The following RPS6KL1 variants were observed in gnomAD, a reference collection of about 807,000 sequenced individuals.
RPS6KL1 encodes ribosomal protein S6 kinase-like 1.
A neutral mutation model predicts 57.0 loss-of-function variants in RPS6KL1; 41 were observed. The ratio of observed to expected loss-of-function variants is 0.72; its 90% CI spans 0.56 to 0.93. The LOEUF (loss-of-function observed/expected upper bound fraction) is 0.93. RPS6KL1 is among the 40% of genes least tolerant of loss of function. RPS6KL1 has a pLI of 0.00. For missense variants in RPS6KL1, 697 were observed against 727.7 expected (o/e 0.96, Z 0.49); for synonymous variants, 287 against 309.7 (o/e 0.93, Z 0.77).
At chr14:74,918,882 A>G (rs1410093786) in intron 4 of RPS6KL1, among the ~76,000 whole-genome samples, 3 of 152,136 alleles carry the variant, frequency 2.0e-5, no homozygotes, top group Non-Finnish European at 4.4e-5. Context: ...CCCCTCTCAA[A>G]AGCCCCATCT....
chr14:74,905,643 T>C lies in RPS6KL1; in HGVS notation c.*1371A>G, dbSNP rs1379298365. 6.6e-6 allele frequency: 1 copy of C among 152,300 alleles called. No homozygotes were observed. The highest frequency in any genetic ancestry group is 1.5e-5 in the Non-Finnish European group (1 of 68,150). The allele number at this position is 152,300 out of a possible 1,614,324, so 9.4% of individuals were successfully genotyped here. A position where few individuals can be genotyped will look rare whatever the true frequency, so the allele number is the denominator to read the frequency against. ...TTGCATGGAAGAAGCGAGAACACCG[T>C]AGGCCAGAGCAGGCTTTATTGGGGC... On this transcript the variant is annotated 3_prime_UTR_variant, in exon 12 of 12. Coordinates refer to ENST00000557413, the MANE Select transcript of RPS6KL1 (RefSeq NM_031464.5).
At position 74,905,141 on chromosome 14, in the gene RPS6KL1, T is replaced by C. The variant is rs1314755965; in HGVS notation, c.*1873A>G. Reference sequence around the variant, plus strand: ...TCGAAAGGAGGTCGACTGTAAGAGCTGGGACCCACAGTATTCTAAACTCAG... The same window carrying C: ...TCGAAAGGAGGTCGACTGTAAGAGCCGGGACCCACAGTATTCTAAACTCAG... On this transcript the variant is annotated 3_prime_UTR_variant, in exon 12 of 12. Transcript: ENST00000557413. The C allele has an allele frequency of 1.3e-5, 2 of 152,184 alleles. No individual in the cohort carries two copies. The highest frequency in any genetic ancestry group is 4.8e-5 in the African/African-American group (2 of 41,436). 9.4% of individuals were successfully genotyped at this position (152,184 alleles called of 1,614,324 possible).
At chr14:74,912,947 G>C (rs1186935540) in intron 5 of RPS6KL1, among the ~76,000 whole-genome samples, 1 of 152,242 alleles carries the variant, frequency 6.6e-6, no homozygotes, top group Non-Finnish European at 1.5e-5. Flanking sequence ...TACGTCGAGG[G>C]CGGGAAGGCA....
intron 7 of RPS6KL1, chr14:74,910,602 C>T (rs1212784912): frequency 6.3e-6 from 1 of 157,572 alleles, no homozygotes; most frequent in Admixed American, 6.1e-5. Flanking sequence ...GTCCTCATAA[C>T]TTCAGTCACC....
chr14:74,922,560 C>A, intron 1 of RPS6KL1, 75 bp from the exon 2 acceptor site: 1 of 155,604 alleles, frequency 6.4e-6, no homozygotes, highest in Non-Finnish European at 1.4e-5. Flanking sequence ...GCAGGGTGAC[C>A]CAGCCCCAGG....
At position 74,921,300 on chromosome 14, in the gene RPS6KL1, T is replaced by A. The variant is rs1424831895; in HGVS notation, c.242A>T (p.Asp81Val). 1 of 1,598,740 alleles carries A rather than the reference T, an allele frequency of 6.3e-7. No individual in the cohort carries two copies. Among genetic ancestry groups the A allele is most frequent in the Admixed American group, 1.7e-5 (1 of 59,542 alleles). Residue 81 changes from aspartate (D) to valine (V), a missense_variant, in exon 3 of 12, where the codon GAC becomes GTC. Physicochemically the swap from Asp to Val is radical, Grantham distance 152. Coordinates refer to ENST00000557413, the MANE Select transcript of RPS6KL1 (RefSeq NM_031464.5). ...ACCGTGTATGCCACGGAGCAGCACG[T>A]CCACGCCATTCTGATAGTGGTTGAA... ...AAFNHYQNGVDVLLRGIHVDP... is the reference protein window; with the variant it reads ...AAFNHYQNGVVVLLRGIHVDP...
At chr14:74,918,715 G>A in intron 4 of RPS6KL1, 110 bp from the exon 5 acceptor site, 1 of 769,500 alleles carries the variant, frequency 1.3e-6, no homozygotes, top group Non-Finnish European at 2.1e-6. Flanking sequence ...GAGAACAGCT[G>A]GGAGGGCAGG....
intron 10 of RPS6KL1, among the ~76,000 whole-genome samples, chr14:74,908,454 C>T (rs1885291318): frequency 6.6e-6 from 1 of 152,134 alleles, no homozygotes; most frequent in Admixed American, 6.5e-5. Context: ...GAGCCCCTCT[C>T]TCCCATCCTC....
chr14:74,921,864 A>G (rs1202418454), intron 2 of RPS6KL1, 114 bp downstream of exon 2: 1 of 507,454 alleles, frequency 2.0e-6, no homozygotes, highest in South Asian at 3.8e-5. Flanking sequence ...TGCAACCTCC[A>G]CTTCCCAGGT....
chr14:74,920,210 A>T (rs757354559), intron 3 of RPS6KL1, among the ~76,000 whole-genome samples: 2 of 152,222 alleles, frequency 1.3e-5, no homozygotes, highest in Non-Finnish European at 2.9e-5. Context: ...CTCAGCAGAC[A>T]GCACTTCACC....
Position 74,910,870 on chromosome 14 carries a change from C to CTTT in RPS6KL1, c.664+375_664+377dup, listed in dbSNP as rs5809683. Reference sequence around the variant, plus strand: ...AGCTCCGCCCCTCCCCAGGGCTCAGCTTTTTTTTTTTTTTTTTTTGAGGCG... The same window carrying CTTT: ...AGCTCCGCCCCTCCCCAGGGCTCAGCTTTTTTTTTTTTTTTTTTTTTTGAGGCG... On this transcript the variant is annotated intron_variant, in intron 7 of 11. Transcript: ENST00000557413. 105 of 155,874 alleles carry CTTT rather than the reference C, an allele frequency of 6.7e-4. 1 individual carries two copies. Among genetic ancestry groups the CTTT allele is most frequent in the South Asian group, 1.8e-3 (14 of 7,688 alleles). The allele number at this position is 155,874 out of a possible 1,614,324, so 9.7% of individuals were successfully genotyped here. A position where few individuals can be genotyped will look rare whatever the true frequency, so the allele number is the denominator to read the frequency against.
chr14:74,907,167 A>C, intron 11 of RPS6KL1, 43 bp from the exon 12 acceptor site: 1 of 1,528,606 alleles, frequency 6.5e-7, no homozygotes. Flanking sequence ...CCAGCTGTGG[A>C]GGCATGGGGT....
Position 74,919,864 on chromosome 14 carries a change from C to T in RPS6KL1, c.371G>A (p.Ser124Asn). 1 of 1,613,736 alleles carries T rather than the reference C, an allele frequency of 6.2e-7. No individual in the cohort carries two copies. The highest frequency in any genetic ancestry group is 8.5e-7 in the Non-Finnish European group (1 of 1,179,974). The change falls in exon 4 of 12, where the codon AGT (serine) becomes AAT (asparagine). Residue 124 changes from serine to asparagine, a missense_variant. Transcript: ENST00000557413. Reference sequence around the variant, plus strand: ...CCTCACCGCGCTGGGGCTGGCTCCACTGCTCAGCGGCCGCTGCAGGTGGCA... The same window carrying T: ...CCTCACCGCGCTGGGGCTGGCTCCATTGCTCAGCGGCCGCTGCAGGTGGCA... ...FNCHLQRPLS[S>N]GASPSAGFSS... is the part of the protein sequence containing the mutation.
chr14:74,907,619 A>C, intron 10 of RPS6KL1, 89 bp from the exon 11 acceptor site: 1 of 1,225,170 alleles, frequency 8.2e-7, no homozygotes, highest in Non-Finnish European at 1.1e-6. Flanking sequence ...TCCCCATGTC[A>C]CAGCCCATGA....
At chr14:74,911,641 G>A in intron 6 of RPS6KL1, 153 bp downstream of exon 6, 1 of 740,864 alleles carries the variant, frequency 1.3e-6, no homozygotes. Context: ...ATGCATGTGT[G>A]TCCATCTGGA....
intron 3 of RPS6KL1, among the ~76,000 whole-genome samples, 166 bp from the exon 4 acceptor site, chr14:74,920,135 G>A (rs958730278): frequency 7.9e-5 from 12 of 152,152 alleles, no homozygotes; most frequent in African/African-American, 2.9e-4. Flanking sequence ...CCTCTGGGGT[G>A]GGGGGCCAGC....
rs753146834 is a variant in RPS6KL1 at position 74,912,581 on chromosome 14, C to A, written c.484-740G>T. Among the ~76,000 whole-genome samples the A allele has an allele frequency of 1.3e-3, 198 of 152,326 alleles. 3 individuals carry two copies. The highest frequency in any genetic ancestry group is 5.8e-4 in the East Asian group (3 of 5,184). On this transcript the variant is annotated intron_variant, in intron 5 of 11. Coordinates refer to ENST00000557413, the MANE Select transcript of RPS6KL1 (RefSeq NM_031464.5). ...TGTTTTACAACTGAGGAAGCCGCAG[C>A]TCTGAGGTGACTCCAGGTCTCCCCA...
In RPS6KL1 at chr14:74,906,304, AC is replaced by A; in HGVS notation, c.*709del. On this transcript the variant is annotated 3_prime_UTR_variant, in exon 12 of 12. Coordinates refer to ENST00000557413, the MANE Select transcript of RPS6KL1 (RefSeq NM_031464.5). ...GTTTCAGACTTGCTCTAAGGGGCAG[AC>A]CCATGCATTCCTTCCTCCCCCCATT... The A allele has an allele frequency of 2.9e-6, 1 of 347,614 alleles. No individual in the cohort carries two copies. Among genetic ancestry groups the A allele is most frequent in the Non-Finnish European group, 5.7e-6 (1 of 174,344 alleles). The allele number at this position is 347,614 out of a possible 1,614,324, so 21.5% of individuals were successfully genotyped here.
chr14:74,921,238 T>TTGCCCC, intron 3 of RPS6KL1, 39 bp downstream of exon 3: 64 of 840,124 alleles, frequency 7.6e-5, no homozygotes, highest in Non-Finnish European at 1.1e-4. Context: ...CACTGGCCCT[T>TTGCCCC]CCCCACCCAC....
Sources: gnomAD v4.1 joint callset for allele counts (sites outside exome capture counted in the v4.1 genomes callset) on GRCh38, gnomAD v4.1.1 for gene constraint, MANE v1.5 for transcripts, NCBI Gene and HGNC (gene_info 2026-07-23, HGNC 2026-07-21) for gene names.